Variants in ZNF385C observed in about 807,000 individuals in gnomAD.
The protein encoded by ZNF385C is zinc finger protein 385C, also known as CTD-2132N18.2.
ZNF385C carries 28 observed loss-of-function variants against 35.4 expected under a neutral mutation model. The ratio of observed to expected loss-of-function variants is 0.79; its 90% CI spans 0.59 to 1.08. The LOEUF (loss-of-function observed/expected upper bound fraction) is 1.08. Among genes scored for constraint, ZNF385C ranks in the 50% least tolerant of loss-of-function variants. ZNF385C has a pLI of 0.00. For synonymous variants in ZNF385C, 248 were observed against 248.2 expected (o/e 1.00, Z 0.01); for missense variants, 605 against 595.6 (o/e 1.02, Z -0.16).
At chr17:42,080,970 A>C (rs1411876572) in intron 1 of ZNF385C, among the ~76,000 whole-genome samples, 3 of 152,180 alleles carry the variant, frequency 2.0e-5, no homozygotes, top group African/African-American at 7.2e-5. Flanking sequence ...TATATACCTC[A>C]TGGGGTTGTT....
At chr17:42,040,302 G>A (rs1051001853) in intron 2 of ZNF385C, 39 of 1,231,704 alleles carry the variant, frequency 3.2e-5, no homozygotes, top group African/African-American at 6.2e-5. Context: ...CGGAGTAACC[G>A]AGCAGCTCCA....
chr17:42,030,807 G>A (rs1370689379), intron 5 of ZNF385C, among the ~76,000 whole-genome samples: 1 of 152,160 alleles, frequency 6.6e-6, no homozygotes, highest in Non-Finnish European at 1.5e-5. Context: ...TGGAAACACA[G>A]GGACACACAA....
Position 42,034,259 on chromosome 17 carries a change from G to A in ZNF385C, c.476C>T (p.Ser159Phe). The A allele has an allele frequency of 6.4e-7, 1 of 1,550,648 alleles. No individual in the cohort carries two copies. The highest frequency in any genetic ancestry group is 2.4e-5 in the East Asian group (1 of 40,924). ...PSPLKKKLFI[S>F]CNICHLRFNS... ...GAACCTCAGGTGACAGATGTTACAG[G>A]AAATGAACAGCTTCTTCTTCAGAGG... Residue 159 changes from serine (S) to phenylalanine (F), a missense_variant, in exon 4 of 9, where the codon TCC becomes TTC. Transcript: ENST00000692273.
In ZNF385C at chr17:42,077,919, C is replaced by T. The variant is rs570484527; in HGVS notation, c.-2-14861G>A. 2.0e-5 allele frequency among the ~76,000 whole-genome samples: 3 copies of T among 152,274 alleles called. No individual in the cohort carries two copies. The East Asian group carries it at 5.8e-4, about 29-fold the overall frequency. On this transcript the variant is annotated intron_variant, in intron 1 of 8. Coordinates refer to ENST00000692273, the MANE Select transcript of ZNF385C (RefSeq NM_001392013.1). Reference sequence around the variant, plus strand: ...AAATAGCCCAGAGCCACCATGTGCCCAGGGCGGCTCCCCACTGGTTGCAAA... The same window carrying T: ...AAATAGCCCAGAGCCACCATGTGCCTAGGGCGGCTCCCCACTGGTTGCAAA...
Position 42,038,000 on chromosome 17 carries a change from TCA to T in ZNF385C, c.251-117_251-116del, listed in dbSNP as rs2052905904. 26 of 1,537,884 alleles carry T rather than the reference TCA, an allele frequency of 1.7e-5. No homozygotes were observed. The East Asian group carries it at 6.4e-4, about 38-fold the overall frequency. ...GCTGGGCAGAAACCTGTGTCTCTCT[TCA>T]CAGAGTGGCACCAGCCAGACCCATA... On this transcript the variant is annotated intron_variant, in intron 2 of 8. Transcript: ENST00000692273.
At chr17:42,041,390 C>A (rs1469523919) in intron 2 of ZNF385C, among the ~76,000 whole-genome samples, 1 of 152,224 alleles carries the variant, frequency 6.6e-6, no homozygotes, top group Admixed American at 6.5e-5. Flanking sequence ...TTTCTCATCT[C>A]TACAGCTCCT....
At chr17:42,045,529 G>A (rs2053140906) in intron 2 of ZNF385C, among the ~76,000 whole-genome samples, 1 of 152,192 alleles carries the variant, frequency 6.6e-6, no homozygotes, top group Non-Finnish European at 1.5e-5. Context: ...ACAAAACTGA[G>A]GTCTGTGACT....
intron 1 of ZNF385C, among the ~76,000 whole-genome samples, chr17:42,088,331 C>T (rs1376208522): frequency 1.3e-5 from 2 of 152,246 alleles, no homozygotes; most frequent in African/African-American, 2.4e-5. Context: ...TTCCAGCACC[C>T]CCAGGTCACC....
chr17:42,083,295 C>G lies in ZNF385C; in HGVS notation c.-3+15115G>C, dbSNP rs565914964. Among the ~76,000 whole-genome samples the G allele has an allele frequency of 3.3e-3, 507 of 151,588 alleles. 2 individuals are homozygous for G. The highest frequency in any genetic ancestry group is 0.012 in the African/African-American group (486 of 41,362). ...CCAGCTCACTGCAAGCTCTGCCCCCCGGGTTCATGCCATTCTCCTGCCTCA... is the reference window on the plus strand; with the variant it reads ...CCAGCTCACTGCAAGCTCTGCCCCCGGGGTTCATGCCATTCTCCTGCCTCA... On this transcript the variant is annotated intron_variant, in intron 1 of 8. Coordinates refer to ENST00000692273, the MANE Select transcript of ZNF385C (RefSeq NM_001392013.1).
intron 4 of ZNF385C, among the ~76,000 whole-genome samples, chr17:42,033,361 A>G (rs1400520802): frequency 6.6e-6 from 1 of 152,236 alleles, no homozygotes; most frequent in Non-Finnish European, 1.5e-5. Flanking sequence ...GCCTGGATTC[A>G]TATCCCAGCT....
At chr17:42,069,871 C>A (rs1272927430) in intron 1 of ZNF385C, among the ~76,000 whole-genome samples, 1 of 151,862 alleles carries the variant, frequency 6.6e-6, no homozygotes, top group Non-Finnish European at 1.5e-5. Context: ...GGTGAAACCC[C>A]GTCTCTACTA....
intron 2 of ZNF385C, chr17:42,039,999 G>C: frequency 1.6e-6 from 2 of 1,231,008 alleles, no homozygotes; most frequent in Non-Finnish European, 1.0e-6. Context: ...GGGTGCACAG[G>C]GCCCGCGGGC....
chr17:42,030,817 AG>A (rs1427455700), intron 5 of ZNF385C, among the ~76,000 whole-genome samples: 1 of 152,178 alleles, frequency 6.6e-6, no homozygotes, highest in Non-Finnish European at 1.5e-5. Flanking sequence ...GGGACACACA[AG>A]GGAGAATGTG....
At chr17:42,043,439 C>A in intron 2 of ZNF385C, 1 of 1,213,962 alleles carries the variant, frequency 8.2e-7, no homozygotes, top group Non-Finnish European at 1.0e-6. Context: ...CCTGCCTCCC[C>A]CACACACAGG....
chr17:42,027,289 C>T (rs1186975119), intron 8 of ZNF385C, among the ~76,000 whole-genome samples, 156 bp from the exon 9 acceptor site: 1 of 151,858 alleles, frequency 6.6e-6, no homozygotes, highest in Non-Finnish European at 1.5e-5. Context: ...ACATTCATTC[C>T]GAAGGGCTTT....
chr17:42,080,913 C>G (rs2053741187), intron 1 of ZNF385C, among the ~76,000 whole-genome samples: 1 of 152,198 alleles, frequency 6.6e-6, no homozygotes, highest in South Asian at 2.1e-4. Flanking sequence ...GCCATCAGAC[C>G]TTGGGCAAAG....
At chr17:42,067,866 C>T (rs2053570329) in intron 1 of ZNF385C, among the ~76,000 whole-genome samples, 1 of 152,160 alleles carries the variant, frequency 6.6e-6, no homozygotes, top group Non-Finnish European at 1.5e-5. Context: ...CCAAGGAGAG[C>T]TGCCTGCCCC....
At chr17:42,034,715 T>G (rs1236355716) in intron 3 of ZNF385C, among the ~76,000 whole-genome samples, 1 of 124,578 alleles carries the variant, frequency 8.0e-6, no homozygotes. Flanking sequence ...ACCAGGGAGA[T>G]GGAGGTTGCG....
chr17:42,076,807 C>CT (rs1696192523), intron 1 of ZNF385C, among the ~76,000 whole-genome samples: 1 of 152,056 alleles, frequency 6.6e-6, no homozygotes, highest in African/African-American at 2.4e-5. Context: ...TGCCCAGTAA[C>CT]TTTTTTCCTA....
Sources: gnomAD v4.1 joint callset for allele counts (sites outside exome capture counted in the v4.1 genomes callset) on GRCh38, gnomAD v4.1.1 for gene constraint, MANE v1.5 for transcripts, NCBI Gene and HGNC (gene_info 2026-07-23, HGNC 2026-07-21) for gene names.